Variants in NEO1 observed in about 807,000 individuals in gnomAD.
NEO1 encodes the protein neogenin 1, also known as neogenin.
A neutral mutation model predicts 159.7 loss-of-function variants in NEO1; 63 were observed. That is an observed-to-expected ratio of 0.39 (90% CI 0.32 to 0.49). NEO1 has a LOEUF of 0.49. Ranked by LOEUF, NEO1 falls within the 20% of genes least tolerant of loss-of-function variation. NEO1 has a pLI of 0.85. For missense variants in NEO1, 1,615 were observed against 1,831.0 expected (o/e 0.88, Z 2.15); for synonymous variants, 633 against 662.0 (o/e 0.96, Z 0.67).
intron 7 of NEO1, among the ~76,000 whole-genome samples, chr15:73,201,890 A>G (rs2036911115): frequency 1.3e-5 from 2 of 151,978 alleles, no homozygotes; most frequent in South Asian, 4.2e-4. Flanking sequence ...TTAATATATC[A>G]ATATAACAAT....
chr15:73,088,742 A>G (rs1460178663), intron 1 of NEO1, among the ~76,000 whole-genome samples: 2 of 152,084 alleles, frequency 1.3e-5, no homozygotes, highest in African/African-American at 4.8e-5. Context: ...AATGAAGGCT[A>G]GGATTAAAGG....
At chr15:73,172,999 T>G (rs2035061950) in intron 5 of NEO1, among the ~76,000 whole-genome samples, 1 of 152,244 alleles carries the variant, frequency 6.6e-6, no homozygotes, top group African/African-American at 2.4e-5. Context: ...TGACTGCATT[T>G]TGGTTCAGTC....
intron 5 of NEO1, among the ~76,000 whole-genome samples, chr15:73,155,537 T>C (rs1198537181): frequency 2.0e-5 from 3 of 152,230 alleles, no homozygotes; most frequent in Admixed American, 6.5e-5. Flanking sequence ...TTTTCATCAG[T>C]TGTTTCCTTA....
In NEO1 at chr15:73,064,802, T is replaced by C. The variant is rs562186487; in HGVS notation, c.130+11997T>C. Among the ~76,000 whole-genome samples the C allele has an allele frequency of 1.6e-4, 24 of 152,306 alleles. No homozygotes were observed. In the East Asian group the frequency reaches 4.1e-3, roughly 26 times the overall value. On this transcript the variant is annotated intron_variant, in intron 1 of 28. Coordinates refer to ENST00000261908, the MANE Select transcript of NEO1 (RefSeq NM_002499.4). ...ATATTTATGTTATGTTTGTAGCACG[T>C]GGTTAGGTTTTGTTTTCTTTTGCCT...
Position 73,270,183 on chromosome 15 carries a change from T to A in NEO1, c.2668T>A (p.Tyr890Asn). Residue 890 changes from tyrosine (Y) to asparagine (N), a missense_variant, in exon 17 of 29, where the codon TAC (tyrosine) becomes AAC (asparagine). Coordinates refer to ENST00000261908, the MANE Select transcript of NEO1 (RefSeq NM_002499.4). ...PKHQKITDSR[Y>N]YTVRWKTNIP... Reference sequence around the variant, plus strand: ...GCACCAGAAGATTACAGACTCCCGATACTACACCGTCCGATGGAAAACCAA... The same window carrying A: ...GCACCAGAAGATTACAGACTCCCGAAACTACACCGTCCGATGGAAAACCAA... The A allele has an allele frequency of 1.2e-6, 2 of 1,613,862 alleles. No individual in the cohort carries two copies. The highest frequency in any genetic ancestry group is 1.7e-6 in the Non-Finnish European group (2 of 1,179,950).
intron 1 of NEO1, among the ~76,000 whole-genome samples, chr15:73,096,960 T>TA (rs933133936): frequency 3.3e-5 from 5 of 150,498 alleles, no homozygotes; most frequent in Admixed American, 6.6e-5. Flanking sequence ...CCCTGTCTCT[T>TA]AAAAAAAAAG....
intron 7 of NEO1, among the ~76,000 whole-genome samples, chr15:73,214,928 ATTTG>A (rs1321631807): frequency 2.0e-5 from 3 of 152,040 alleles, no homozygotes; most frequent in African/African-American, 7.2e-5. Flanking sequence ...ATGCATTTCC[ATTTG>A]TTTGTGTTGT....
At chr15:73,290,260 A>T (rs1320264727) in intron 25 of NEO1, among the ~76,000 whole-genome samples, 1 of 106,798 alleles carries the variant, frequency 9.4e-6, no homozygotes, top group Non-Finnish European at 1.7e-5. Flanking sequence ...TTTGAGACAG[A>T]GTCAGAGTCT....
intron 20 of NEO1, 33 bp downstream of exon 20, chr15:73,274,038 TGTCTCTTTAGTG>T (rs1456274236): frequency 1.4e-5 from 22 of 1,598,456 alleles, no homozygotes; most frequent in Non-Finnish European, 1.8e-5. Context: ...TTTTGTTGTG[TGTCTCTTTAGTG>T]GGGCTATGCT....
chr15:73,231,185 T>C (rs1596414491), intron 7 of NEO1, among the ~76,000 whole-genome samples: 1 of 152,240 alleles, frequency 6.6e-6, no homozygotes, highest in South Asian at 2.1e-4. Context: ...TAAATAACGC[T>C]GTCAACCAGC....
At chr15:73,245,870 C>G (rs2039766199) in intron 9 of NEO1, among the ~76,000 whole-genome samples, 1 of 151,976 alleles carries the variant, frequency 6.6e-6, no homozygotes. Flanking sequence ...CATGAGCCAT[C>G]GCACCCGGCC....
chr15:73,067,652 T>C (rs1479548348), intron 1 of NEO1, among the ~76,000 whole-genome samples: 1 of 150,138 alleles, frequency 6.7e-6, no homozygotes, highest in Non-Finnish European at 1.5e-5. Context: ...AGTCTCGCTC[T>C]GTCCCCCAGG....
Position 73,258,635 on chromosome 15 carries a change from A to T in NEO1, c.2093-131A>T, listed in dbSNP as rs559327237. 5.4e-5 allele frequency: 37 copies of T among 682,146 alleles called. No individual in the cohort carries two copies. The South Asian group carries it at 6.7e-4, about 12-fold the overall frequency. The allele number at this position is 682,146 out of a possible 1,614,324, so 42.3% of individuals were successfully genotyped here. On this transcript the variant is annotated intron_variant, in intron 13 of 28. Transcript: ENST00000261908. ...ATTTGCATTTTGCCTACACTGTATT[A>T]ACTTAAACTGAAACTTTGCCAAGCT...
At chr15:73,123,758 C>T (rs2071809230) in intron 3 of NEO1, among the ~76,000 whole-genome samples, 1 of 152,108 alleles carries the variant, frequency 6.6e-6, no homozygotes, top group South Asian at 2.1e-4. Context: ...CTGCTAGGTG[C>T]CCCCTCCATA....
intron 5 of NEO1, among the ~76,000 whole-genome samples, chr15:73,152,921 GA>G (rs2033492005): frequency 6.6e-6 from 1 of 152,134 alleles, no homozygotes; most frequent in Admixed American, 6.6e-5. Context: ...TATGTTTAGA[GA>G]AAGAGAGAAG....
intron 7 of NEO1, among the ~76,000 whole-genome samples, chr15:73,228,037 T>C (rs1220781288): frequency 6.6e-6 from 1 of 152,222 alleles, no homozygotes; most frequent in South Asian, 2.1e-4. Flanking sequence ...ACATCCTTTT[T>C]TTTCCTAGTG....
chr15:73,058,649 C>G (rs978777780), intron 1 of NEO1, among the ~76,000 whole-genome samples: 5 of 152,152 alleles, frequency 3.3e-5, no homozygotes, highest in African/African-American at 1.2e-4. Context: ...AAGAATAATT[C>G]CATTGACTAA....
intron 28 of NEO1, 190 bp downstream of exon 28, chr15:73,301,647 G>A: frequency 2.8e-6 from 2 of 718,846 alleles, no homozygotes; most frequent in Admixed American, 3.0e-5. Flanking sequence ...CTGAGGACTT[G>A]GTGTGCTTTC....
At chr15:73,079,778 G>A (rs2068952368) in intron 1 of NEO1, among the ~76,000 whole-genome samples, 1 of 152,122 alleles carries the variant, frequency 6.6e-6, no homozygotes, top group Non-Finnish European at 1.5e-5. Context: ...AAATATTCAG[G>A]AAGTTATTAG....
Sources: allele counts gnomAD v4.1 joint callset (sites outside exome capture counted in the v4.1 genomes callset), GRCh38; gene constraint gnomAD v4.1.1; transcripts MANE v1.5; gene names NCBI Gene and HGNC (gene_info 2026-07-23, HGNC 2026-07-21).